Variants in PDE3B observed in about 807,000 individuals in gnomAD.
PDE3B encodes phosphodiesterase 3B.
A neutral mutation model predicts 116.8 loss-of-function variants in PDE3B; 66 were observed. That is an observed-to-expected ratio of 0.56 (90% CI 0.46 to 0.69). The LOEUF is 0.69. PDE3B is among the 30% of genes least tolerant of loss of function. PDE3B has a pLI of 0.00. For synonymous variants in PDE3B, 595 were observed against 533.6 expected (o/e 1.12, Z -1.59); for missense variants, 1,384 against 1,368.1 (o/e 1.01, Z -0.18).
At chr11:14,894,673 G>T in the PDE3B span, among the ~76,000 whole-genome samples, 1 of 152,048 alleles carries the variant, frequency 6.6e-6, no homozygotes, top group Non-Finnish European at 1.5e-5. Flanking sequence ...CCCCACCACA[G>T]CTCCCCTTGA....
chr11:14,756,127 C>G (rs1473618352), intron 1 of PDE3B, among the ~76,000 whole-genome samples: 1 of 152,122 alleles, frequency 6.6e-6, no homozygotes, highest in African/African-American at 2.4e-5. Flanking sequence ...CTGAGATATT[C>G]TCATTTTCCA....
At chr11:14,890,360 G>T in the PDE3B span, 1 of 454,656 alleles carries the variant, frequency 2.2e-6, no homozygotes, top group Non-Finnish European at 2.9e-6. Flanking sequence ...TATATTACAT[G>T]AAAATCATGG....
intron 1 of PDE3B, among the ~76,000 whole-genome samples, chr11:14,660,256 C>T (rs760068416): frequency 7.3e-5 from 11 of 151,390 alleles, no homozygotes; most frequent in African/African-American, 1.2e-4. Flanking sequence ...CTAATTTCAA[C>T]GACAAGAGCT....
In PDE3B at chr11:14,834,962, A is replaced by T; in HGVS notation, c.2207-20A>T. Reference sequence around the variant, plus strand: ...ATGTTGTGTGTTAAACCTAACAGAAAAACGTTTTGGTGACTTTAGATCACA... The same window carrying T: ...ATGTTGTGTGTTAAACCTAACAGAATAACGTTTTGGTGACTTTAGATCACA... On this transcript the variant is annotated intron_variant, in intron 10 of 15. Transcript: ENST00000282096. 2 of 1,460,672 alleles carry T rather than the reference A, an allele frequency of 1.4e-6. No individual in the cohort carries two copies. 90.5% of individuals were successfully genotyped at this position (1,460,672 alleles called of 1,614,324 possible). A position where few individuals can be genotyped will look rare whatever the true frequency, so the allele number is the denominator to read the frequency against.
chr11:14,756,249 CTAGTTGGGG>C (rs1274631644), intron 1 of PDE3B, among the ~76,000 whole-genome samples: 1 of 152,012 alleles, frequency 6.6e-6, no homozygotes, highest in Non-Finnish European at 1.5e-5. Context: ...ATATTATAAT[CTAGTTGGGG>C]AGTGTATCAG....
intron 4 of PDE3B, among the ~76,000 whole-genome samples, chr11:14,798,050 T>C (rs2133928136): frequency 6.6e-6 from 1 of 152,344 alleles, no homozygotes; most frequent in East Asian, 1.9e-4. Flanking sequence ...CTATTCAGTA[T>C]GATATTGCTT....
chr11:14,715,049 G>T (rs1344439040), intron 1 of PDE3B, among the ~76,000 whole-genome samples: 1 of 151,906 alleles, frequency 6.6e-6, no homozygotes. Context: ...TTTATGTTCT[G>T]CCTCATTCCA....
chr11:14,863,906 A>G (rs1847995200), intron 14 of PDE3B, among the ~76,000 whole-genome samples: 1 of 152,216 alleles, frequency 6.6e-6, no homozygotes, highest in African/African-American at 2.4e-5. Context: ...CTAACGGGCA[A>G]AATTAACCTG....
At chr11:14,847,924 TACC>T (rs1455554987) in intron 12 of PDE3B, among the ~76,000 whole-genome samples, 1 of 152,140 alleles carries the variant, frequency 6.6e-6, no homozygotes, top group African/African-American at 2.4e-5. Flanking sequence ...GAGGAACTGG[TACC>T]ATTCCTTCTG....
chr11:14,759,809 A>C (rs546471186), intron 1 of PDE3B, among the ~76,000 whole-genome samples: 16 of 152,064 alleles, frequency 1.1e-4, no homozygotes, highest in Admixed American at 1.0e-3. Context: ...GGCCTCCCAA[A>C]GTGCTGGGAT....
intron 12 of PDE3B, among the ~76,000 whole-genome samples, chr11:14,850,241 A>G (rs1388208261): frequency 6.6e-6 from 1 of 152,132 alleles, no homozygotes; most frequent in Non-Finnish European, 1.5e-5. Flanking sequence ...CGCAAGAACA[A>G]AAAACCAAAC....
rs749684699 is a variant in PDE3B, at chr11:14,866,733, G to C, written c.2887-773G>C. ...TTATCCCAAACCAGTTCAGACACTA[G>C]GACTAAAATGTTAATAGTACCATTT... On this transcript the variant is annotated intron_variant, in intron 14 of 15. Coordinates refer to ENST00000282096, the MANE Select transcript of PDE3B (RefSeq NM_000922.4). Among the ~76,000 whole-genome samples, 71 of 152,212 alleles carry C rather than the reference G, an allele frequency of 4.7e-4. 1 individual carries two copies. The highest frequency in any genetic ancestry group is 9.1e-4 in the Non-Finnish European group (62 of 68,014).
intron 1 of PDE3B, among the ~76,000 whole-genome samples, chr11:14,716,285 G>A (rs1433310546): frequency 9.9e-5 from 15 of 152,074 alleles, no homozygotes; most frequent in African/African-American, 3.4e-4. Context: ...ACGGAATCTC[G>A]CTGATTGCTA....
chr11:14,736,784 A>G (rs368028766), intron 1 of PDE3B, among the ~76,000 whole-genome samples: 1 of 152,344 alleles, frequency 6.6e-6, no homozygotes, highest in Non-Finnish European at 1.5e-5. Context: ...TCCACAAACA[A>G]TAAATCAATT....
intron 1 of PDE3B, among the ~76,000 whole-genome samples, chr11:14,731,567 A>AT (rs540074744): frequency 6.6e-6 from 1 of 152,036 alleles, no homozygotes; most frequent in African/African-American, 2.4e-5. Flanking sequence ...CTTTACTTTG[A>AT]TTTTTTAACC....
chr11:14,732,871 G>A (rs1417387471), intron 1 of PDE3B, among the ~76,000 whole-genome samples: 1 of 152,122 alleles, frequency 6.6e-6, no homozygotes, highest in Non-Finnish European at 1.5e-5. Flanking sequence ...TATCAGGTTA[G>A]CATATAAACC....
chr11:14,880,258 G>C, the PDE3B span: 7 of 1,612,942 alleles, frequency 4.3e-6, no homozygotes, highest in Non-Finnish European at 5.9e-6. Context: ...GGAGAAAGTA[G>C]ATGATGGGTC....
the PDE3B span, among the ~76,000 whole-genome samples, chr11:14,893,038 A>T: frequency 3.9e-5 from 6 of 152,094 alleles, no homozygotes; most frequent in African/African-American, 1.2e-4. Context: ...TGGGTTTGGG[A>T]CTCTTCTAAC....
chr11:14,743,133 A>G (rs1480566060), intron 1 of PDE3B, among the ~76,000 whole-genome samples: 2 of 152,196 alleles, frequency 1.3e-5, no homozygotes, highest in Non-Finnish European at 2.9e-5. Flanking sequence ...CCTGGCAGAC[A>G]GGAACGTTTG....
Sources: allele counts gnomAD v4.1 joint callset (sites outside exome capture counted in the v4.1 genomes callset), GRCh38; gene constraint gnomAD v4.1.1; transcripts MANE v1.5; gene names NCBI Gene and HGNC (gene_info 2026-07-23, HGNC 2026-07-21).